The following UGT1A5 variants were observed in gnomAD, a reference collection of about 807,000 sequenced individuals.
The protein encoded by UGT1A5 is UDP-glucuronosyltransferase 1A5.
In UGT1A5, 29 loss-of-function variants were observed where a neutral mutation model predicts 40.3. The ratio of observed to expected loss-of-function variants is 0.72; its 90% CI spans 0.54 to 0.98. The LOEUF is 0.98. Among genes scored for constraint, UGT1A5 ranks in the 50% least tolerant of loss-of-function variants. The pLI, the probability that UGT1A5 is intolerant of heterozygous loss-of-function variation, is 0.00. For missense variants in UGT1A5, 678 were observed against 677.9 expected, an observed-to-expected ratio of 1.00 and a Z score of 0.00; for synonymous variants, 257 against 262.5, an observed-to-expected ratio of 0.98 and a Z score of 0.20.
At chr2:233,754,202 GAAGTCA>G (rs1362706108) in intron 1 of UGT1A5, 1 of 162,518 alleles carries the variant, frequency 6.2e-6, no homozygotes, top group East Asian at 1.7e-4. Context: ...GTAAAACATT[GAAGTCA>G]AATGATTTAG....
intron 1 of UGT1A5, among the ~76,000 whole-genome samples, chr2:233,748,374 A>G (rs1187650500): frequency 2.6e-5 from 4 of 151,848 alleles, no homozygotes; most frequent in African/African-American, 9.7e-5. Flanking sequence ...ATGGTTGTGC[A>G]TGTCCTTCAT....
rs770037031 is a variant in UGT1A5 at position 233,718,834 on chromosome 2, T to C, written c.867+4976T>C. The C allele has an allele frequency of 1.2e-5, 20 of 1,613,482 alleles. No homozygotes were observed. The highest frequency in any genetic ancestry group is 4.0e-5 in the African/African-American group (3 of 74,922). ...GCTTCTGCTGAGATGGCCAGAGGAC[T>C]CCAGGTTCCCCTGCCGCGGCTGGCC... is the stretch of plus-strand genomic sequence containing the variant. On this transcript the variant is annotated intron_variant, in intron 1 of 4. Transcript: ENST00000373414.
At chr2:233,763,732 A>T (rs1272484781) in intron 1 of UGT1A5, among the ~76,000 whole-genome samples, 1 of 152,234 alleles carries the variant, frequency 6.6e-6, no homozygotes, top group East Asian at 1.9e-4. Context: ...ACAACCTGGC[A>T]TTGGCGTGTC....
At chr2:233,761,529 T>C (rs1208884408) in intron 1 of UGT1A5, among the ~76,000 whole-genome samples, 1 of 152,248 alleles carries the variant, frequency 6.6e-6, no homozygotes, top group Non-Finnish European at 1.5e-5. Flanking sequence ...TCAGGACTGA[T>C]GAAATCATTC....
intron 1 of UGT1A5, chr2:233,729,494 T>C (rs2077868084): frequency 6.2e-7 from 1 of 1,614,084 alleles, no homozygotes; most frequent in Non-Finnish European, 8.5e-7. Context: ...ATGTCTTTGG[T>C]CTATCATAGG....
intron 1 of UGT1A5, among the ~76,000 whole-genome samples, chr2:233,766,011 CCTT>C (rs1699028411): frequency 6.6e-6 from 1 of 152,070 alleles, no homozygotes; most frequent in Non-Finnish European, 1.5e-5. Flanking sequence ...TGGGTTATGG[CCTT>C]CTTTTAGTTT....
At chr2:233,763,134 A>G (rs1698246018) in intron 1 of UGT1A5, among the ~76,000 whole-genome samples, 1 of 152,210 alleles carries the variant, frequency 6.6e-6, no homozygotes, top group African/African-American at 2.4e-5. Flanking sequence ...GCATTTATTG[A>G]TATAACCATA....
chr2:233,736,596 G>A lies in UGT1A5; in HGVS notation c.867+22738G>A, dbSNP rs539240501. Among the ~76,000 whole-genome samples, 13 of 152,274 alleles carry A rather than the reference G, an allele frequency of 8.5e-5. No individual in the cohort carries two copies. The East Asian group carries it at 9.6e-4, about 11-fold the overall frequency. ...TCCTTTGGAGGAGATGTGCTTATGC[G>A]CTATGGTTTTTAGAATTTTCAGCTT... On this transcript the variant is annotated intron_variant, in intron 1 of 4. Transcript: ENST00000373414.
intron 1 of UGT1A5, chr2:233,729,851 A>C: frequency 6.2e-7 from 1 of 1,613,640 alleles, no homozygotes; most frequent in African/African-American, 1.3e-5. Context: ...TTTCAGAGAG[A>C]GGTGTCAGTG....
chr2:233,768,305 G>C lies in UGT1A5; in HGVS notation c.1173G>C (p.Met391Ile). The change falls in exon 4 of 5, where the codon ATG (methionine) becomes ATC (isoleucine). Residue 391 changes from methionine (M) to isoleucine (I), a missense_variant. Coordinates refer to ENST00000373414, the MANE Select transcript of UGT1A5 (RefSeq NM_019078.2). ...ESICNGVPMV[M>I]MPLFGDQMDN... ...TATGCAATGGCGTTCCCATGGTGAT[G>C]ATGCCCTTGTTTGGTGATCAGATGG... 1 of 1,614,202 alleles carries C rather than the reference G, an allele frequency of 6.2e-7. No individual in the cohort carries two copies. The highest frequency in any genetic ancestry group is 8.5e-7 in the Non-Finnish European group (1 of 1,180,040).
At chr2:233,744,417 G>C (rs1328403713) in intron 1 of UGT1A5, among the ~76,000 whole-genome samples, 1 of 151,850 alleles carries the variant, frequency 6.6e-6, no homozygotes, top group Non-Finnish European at 1.5e-5. Flanking sequence ...TTTTGTTCAT[G>C]TGGATTATAT....
intron 1 of UGT1A5, among the ~76,000 whole-genome samples, chr2:233,764,775 GA>G (rs1268647716): frequency 6.6e-6 from 1 of 152,162 alleles, no homozygotes. Context: ...AAGGAGTTCA[GA>G]AAAACCATCC....
chr2:233,743,224 A>G (rs397839834), intron 1 of UGT1A5: 25 of 414,132 alleles, frequency 6.0e-5, no homozygotes, highest in Middle Eastern at 7.1e-4. Context: ...GCTCTTTGCT[A>G]TTTATTATGA....
chr2:233,738,466 G>C (rs1690794725), intron 1 of UGT1A5, among the ~76,000 whole-genome samples: 1 of 152,190 alleles, frequency 6.6e-6, no homozygotes, highest in Non-Finnish European at 1.5e-5. Context: ...GGGAAAGTTT[G>C]GAACTTCCTG....
chr2:233,751,147 C>A (rs1013062479), intron 1 of UGT1A5, among the ~76,000 whole-genome samples: 1 of 151,976 alleles, frequency 6.6e-6, no homozygotes, highest in African/African-American at 2.4e-5. Context: ...TGGGAGCCCA[C>A]TTCTGGCATC....
chr2:233,743,464 C>T lies in UGT1A5; in HGVS notation c.868-23570C>T, dbSNP rs542057655. 5.5e-4 allele frequency: 753 copies of T among 1,366,482 alleles called. 6 individuals carry two copies. In the Admixed American group the frequency reaches 0.012, roughly 23 times the overall value. The allele number at this position is 1,366,482 out of a possible 1,614,324, so 84.6% of individuals were successfully genotyped here. On this transcript the variant is annotated intron_variant, in intron 1 of 4. Coordinates refer to ENST00000373414, the MANE Select transcript of UGT1A5 (RefSeq NM_019078.2). Reference sequence around the variant, plus strand: ...TGTATCAAAAGAAGAAAAAACACCCCCAAAAGCTGGAAATTCACTGAAGGC... The same window carrying T: ...TGTATCAAAAGAAGAAAAAACACCCTCAAAAGCTGGAAATTCACTGAAGGC...
Position 233,772,832 on chromosome 2 carries a change from C to CACACAAGAAAGCCAGCAAGG in UGT1A5, c.*273_*274insACACAAGAAAGCCAGCAAGG. On this transcript the variant is annotated 3_prime_UTR_variant, in exon 5 of 5. Coordinates refer to ENST00000373414, the MANE Select transcript of UGT1A5 (RefSeq NM_019078.2). ...GAGGACGTGCAGACAGGCTGGCATT[C>CACACAAGAAAGCCAGCAAGG]TAGATTACTTTTCTTACTCTGAAAC... is the stretch of plus-strand genomic sequence containing the variant. 1 of 899,520 alleles carries CACACAAGAAAGCCAGCAAGG rather than the reference C, an allele frequency of 1.1e-6. No individual in the cohort carries two copies. The highest frequency in any genetic ancestry group is 1.5e-6 in the Non-Finnish European group (1 of 646,890). The allele number at this position is 899,520 out of a possible 1,614,324, so 55.7% of individuals were successfully genotyped here. A position where few individuals can be genotyped will look rare whatever the true frequency, so the allele number is the denominator to read the frequency against.
At chr2:233,717,438 C>T (rs998007797) in intron 1 of UGT1A5, among the ~76,000 whole-genome samples, 4 of 152,192 alleles carry the variant, frequency 2.6e-5, no homozygotes, top group African/African-American at 7.2e-5. Context: ...CTCTGATGGA[C>T]GCATCCATTC....
chr2:233,743,680 G>A (rs555741522), intron 1 of UGT1A5: 52 of 1,367,218 alleles, frequency 3.8e-5, no homozygotes, highest in East Asian at 3.2e-4. Flanking sequence ...AGGGCCTGCC[G>A]CCTGTGCAGC....
Sources: gnomAD v4.1 joint callset for allele counts (sites outside exome capture counted in the v4.1 genomes callset) on GRCh38, gnomAD v4.1.1 for gene constraint, MANE v1.5 for transcripts, NCBI Gene and HGNC (gene_info 2026-07-23, HGNC 2026-07-21) for gene names.